SV2B: variants seen among roughly 807,000 people sequenced by gnomAD.
The protein encoded by SV2B is synaptic vesicle glycoprotein 2B.
A neutral mutation model predicts 73.9 loss-of-function variants in SV2B; 41 were observed. That is an observed-to-expected ratio of 0.56 (90% CI 0.43 to 0.72). SV2B has a LOEUF of 0.72. Among genes scored for constraint, SV2B ranks in the 30% least tolerant of loss-of-function variants. The pLI, the probability that SV2B is intolerant of heterozygous loss-of-function variation, is 0.00. For synonymous variants in SV2B, 314 were observed against 314.2 expected (o/e 1.00, Z 0.01); for missense variants, 764 against 857.8 (o/e 0.89, Z 1.37).
At chr15:91,131,147 G>GT (rs56130189) in intron 1 of SV2B, among the ~76,000 whole-genome samples, 19,923 of 117,882 alleles carry the variant, frequency 0.17, 1,833 homozygotes, top group Non-Finnish European at 0.2. Flanking sequence ...ATGTTTTCTT[G>GT]TTTTTTTTTT....
chr15:91,115,231 G>A lies in SV2B; in HGVS notation c.-392+14868G>A, dbSNP rs2042144059. Reference sequence around the variant, plus strand: ...TTGGAGAGTTGTTGCTGAAAGAAGAGGACATGGGTCCTGAGCAGGCGAAAC... The same window carrying A: ...TTGGAGAGTTGTTGCTGAAAGAAGAAGACATGGGTCCTGAGCAGGCGAAAC... On this transcript the variant is annotated intron_variant, in intron 1 of 12. Transcript: ENST00000394232. The surrounding 1 kb of genome is among the most constrained non-coding windows in gnomAD (Gnocchi z 4.3). Among the ~76,000 whole-genome samples, 1 of 152,204 alleles carries A rather than the reference G, an allele frequency of 6.6e-6. No individual in the cohort carries two copies. Among genetic ancestry groups the A allele is most frequent in the Non-Finnish European group, 1.5e-5 (1 of 68,038 alleles).
rs2042820329 is a variant in SV2B at position 91,136,235 on chromosome 15, G to A, written c.-392+35872G>A. The stretch of plus-strand genomic sequence containing the variant: ...GAGAACTTAGCAGGATGCCATTCAG[G>A]TGGGCATACTCAGATGCAGTGTAGC... On this transcript the variant is annotated intron_variant, in intron 1 of 12. Transcript: ENST00000394232. This position sits in a 1 kb window ranked among gnomAD's most constrained non-coding sequence, Gnocchi z 5.6. Among the ~76,000 whole-genome samples, 1 of 152,180 alleles carries A rather than the reference G, an allele frequency of 6.6e-6. No individual in the cohort carries two copies. The highest frequency in any genetic ancestry group is 2.1e-4 in the South Asian group (1 of 4,834).
intron 1 of SV2B, among the ~76,000 whole-genome samples, chr15:91,131,498 A>G (rs1402082949): frequency 2.6e-5 from 4 of 152,056 alleles, no homozygotes; most frequent in Non-Finnish European, 5.9e-5. Flanking sequence ...AGCCTAAGTA[A>G]TGGGCAAAAG....
chr15:91,186,936 T>C (rs142324565), intron 1 of SV2B, among the ~76,000 whole-genome samples: 117 of 152,364 alleles, frequency 7.7e-4, no homozygotes, highest in African/African-American at 2.7e-3. Flanking sequence ...TAGAAGCATG[T>C]ATCATGCAAA....
At position 91,223,980 on chromosome 15, in the gene SV2B, C is replaced by T. The variant is rs962100700; in HGVS notation, c.-391-1893C>T. ...ATTGGCATTTCTGTTGAGCCGCCCACGTTCTGAGTGGTGCTTCACCCTGTA... is the reference window on the plus strand; with the variant it reads ...ATTGGCATTTCTGTTGAGCCGCCCATGTTCTGAGTGGTGCTTCACCCTGTA... On this transcript the variant is annotated intron_variant, in intron 1 of 12. Coordinates refer to ENST00000394232, the MANE Select transcript of SV2B (RefSeq NM_001323032.3). The surrounding 1 kb of genome is among the most constrained non-coding windows in gnomAD (Gnocchi z 4.6). Among the ~76,000 whole-genome samples the T allele has an allele frequency of 1.3e-5, 2 of 152,214 alleles. No individual in the cohort carries two copies. Among genetic ancestry groups the T allele is most frequent in the East Asian group, 1.9e-4 (1 of 5,196 alleles).
chr15:91,187,187 T>C (rs1197548704), intron 1 of SV2B, among the ~76,000 whole-genome samples: 1 of 152,256 alleles, frequency 6.6e-6, no homozygotes. Context: ...TTTTGTGACA[T>C]ATTGTTGGAG....
chr15:91,207,260 C>G lies in SV2B; in HGVS notation c.-391-18613C>G, dbSNP rs190027868. On this transcript the variant is annotated intron_variant, in intron 1 of 12. Transcript: ENST00000394232. The stretch of plus-strand genomic sequence containing the variant: ...TTGATCTTGAACTTCTGAGTTCAAG[C>G]GATCCTCTTACCTTGGCCTCCCAAA... 2.2e-3 allele frequency among the ~76,000 whole-genome samples: 330 copies of G among 149,690 alleles called. 1 individual carries two copies. The highest frequency in any genetic ancestry group is 7.4e-3 in the African/African-American group (300 of 40,344).
Position 91,226,829 on chromosome 15 carries a change from G to A in SV2B, c.451+115G>A, listed in dbSNP as rs2046400217. On this transcript the variant is annotated intron_variant, in intron 2 of 12. Transcript: ENST00000394232. ...TATCACAATGTACCCATTTTGCTGT[G>A]AAGGAATTTTTGTCTTAGAGAAATC... 2.3e-6 allele frequency: 3 copies of A among 1,310,384 alleles called. No individual in the cohort carries two copies. In the South Asian group the frequency reaches 4.6e-5, roughly 20 times the overall value. 81.2% of individuals were successfully genotyped at this position (1,310,384 alleles called of 1,614,324 possible). A position where few individuals can be genotyped will look rare whatever the true frequency, so the allele number is the denominator to read the frequency against.
At chr15:91,210,375 A>C (rs759682538) in intron 1 of SV2B, among the ~76,000 whole-genome samples, 1 of 152,040 alleles carries the variant, frequency 6.6e-6, no homozygotes, top group East Asian at 1.9e-4. Context: ...TAAGCTGCGG[A>C]GAGTACAGAT....
rs574165266 is a variant in SV2B, at chr15:91,227,553, A to G, written c.451+839A>G. 5.9e-5 allele frequency among the ~76,000 whole-genome samples: 9 copies of G among 152,366 alleles called. No homozygotes were observed. In the East Asian group the frequency reaches 1.5e-3, roughly 26 times the overall value. On this transcript the variant is annotated intron_variant, in intron 2 of 12. Transcript: ENST00000394232. This position sits in a 1 kb window ranked among gnomAD's most constrained non-coding sequence, Gnocchi z 4.5. The stretch of plus-strand genomic sequence containing the variant: ...ATTGTGCAGCAAACATGTAGTTATG[A>G]GAACTAACTATAAGTCAAATTCTCA...
At chr15:91,291,849 T>G (rs2141814852) in intron 12 of SV2B, among the ~76,000 whole-genome samples, 1 of 152,320 alleles carries the variant, frequency 6.6e-6, no homozygotes, top group Non-Finnish European at 1.5e-5. Flanking sequence ...CTGCTGCCAC[T>G]TGCACTTACA....
At chr15:91,138,791 G>T (rs79268767) in intron 1 of SV2B, among the ~76,000 whole-genome samples, 1,792 of 152,258 alleles carry the variant, frequency 0.012, 45 homozygotes, top group African/African-American at 0.041. Context: ...TTTGTTACCT[G>T]CAGGGAGTCC....
Position 91,137,262 on chromosome 15 carries a change from A to AG in SV2B, c.-392+36900dup, listed in dbSNP as rs1017676302. Among the ~76,000 whole-genome samples, 1 of 152,196 alleles carries AG rather than the reference A, an allele frequency of 6.6e-6. No homozygotes were observed. The highest frequency in any genetic ancestry group is 6.5e-5 in the Admixed American group (1 of 15,282). On this transcript the variant is annotated intron_variant, in intron 1 of 12. Coordinates refer to ENST00000394232, the MANE Select transcript of SV2B (RefSeq NM_001323032.3). The surrounding 1 kb of genome is among the most constrained non-coding windows in gnomAD (Gnocchi z 4.9). ...CCAGTCTCCAACTACTAATCACCCC[A>AG]GTTAATGAGTTGTTTAAGCCACCCT...
At chr15:91,127,484 G>C (rs976737579) in intron 1 of SV2B, among the ~76,000 whole-genome samples, 3 of 152,064 alleles carry the variant, frequency 2.0e-5, no homozygotes, top group Non-Finnish European at 4.4e-5. Context: ...CTGTCCGGCC[G>C]CTCTTCTATC....
chr15:91,268,751 G>A lies in SV2B; in HGVS notation c.1373+146G>A. On this transcript the variant is annotated intron_variant, in intron 9 of 12. Coordinates refer to ENST00000394232, the MANE Select transcript of SV2B (RefSeq NM_001323032.3). The surrounding 1 kb of genome is among the most constrained non-coding windows in gnomAD (Gnocchi z 4.4). Reference sequence around the variant, plus strand: ...GTCATCATCACAACCTGTCATGGCTGCCAGTGACGCCATAGCTCCCCTAGT... The same window carrying A: ...GTCATCATCACAACCTGTCATGGCTACCAGTGACGCCATAGCTCCCCTAGT... 9.6e-7 allele frequency: 1 copy of A among 1,045,412 alleles called. No homozygotes were observed. Among genetic ancestry groups the A allele is most frequent in the Non-Finnish European group, 1.3e-6 (1 of 744,172 alleles). The allele number at this position is 1,045,412 out of a possible 1,614,324, so 64.8% of individuals were successfully genotyped here.
chr15:91,170,668 G>A (rs1032624275), intron 1 of SV2B, among the ~76,000 whole-genome samples: 1 of 152,216 alleles, frequency 6.6e-6, no homozygotes, highest in African/African-American at 2.4e-5. Flanking sequence ...GACTGTCCCT[G>A]CCCTGAGGTC....
At chr15:91,171,050 GA>G (rs2044104529) in intron 1 of SV2B, among the ~76,000 whole-genome samples, 2 of 152,298 alleles carry the variant, frequency 1.3e-5, no homozygotes, top group African/African-American at 4.8e-5. Context: ...TCAGAGAGGT[GA>G]AGTCTTGACG....
intron 1 of SV2B, among the ~76,000 whole-genome samples, chr15:91,163,232 A>C (rs919027385): frequency 6.6e-6 from 1 of 152,198 alleles, no homozygotes; most frequent in Admixed American, 6.5e-5. Context: ...ATACGTGTGC[A>C]TGTGTCTTTA....
rs774198552 is a variant in SV2B, at chr15:91,267,677, C to G, written c.1208+34C>G. 2.6e-6 allele frequency: 4 copies of G among 1,547,420 alleles called. No individual in the cohort carries two copies. In the African/African-American group the frequency reaches 5.4e-5, roughly 21 times the overall value. ...TGTCTTACTTAAATTTCGTAATTCC[C>G]TGTGCCTCAGTGGCCTCCTTTACAC... On this transcript the variant is annotated intron_variant, in intron 8 of 12. Coordinates refer to ENST00000394232, the MANE Select transcript of SV2B (RefSeq NM_001323032.3). This position sits in a 1 kb window ranked among gnomAD's most constrained non-coding sequence, Gnocchi z 4.3.
Sources: gnomAD v4.1 joint callset for allele counts (sites outside exome capture counted in the v4.1 genomes callset) on GRCh38, gnomAD v4.1.1 for gene constraint, Gnocchi (gnomAD v3.1) non-coding constraint, MANE v1.5 for transcripts, NCBI Gene and HGNC (gene_info 2026-07-23, HGNC 2026-07-21) for gene names.